Variants in KATNAL2 observed in about 807,000 individuals in gnomAD.
KATNAL2 encodes katanin p60 ATPase-containing subunit A-like 2.
Under a neutral mutation model 76.3 loss-of-function variants are expected in KATNAL2, and 52 were observed. That is an observed-to-expected ratio of 0.68 (90% CI 0.55 to 0.86). KATNAL2 has a LOEUF of 0.86. Among genes scored for constraint, KATNAL2 ranks in the 40% least tolerant of loss-of-function variants. The pLI is 0.00. For synonymous variants in KATNAL2, 243 were observed against 244.2 expected (o/e 1.00, Z 0.05); for missense variants, 660 against 668.9 (o/e 0.99, Z 0.15).
At position 47,035,528 on chromosome 18, in the gene KATNAL2, T is replaced by C. The variant is rs912255275; in HGVS notation, c.52-10929T>C. Reference sequence around the variant, plus strand: ...ACAGCCTGGAGTGACCTCTGCAGTTTGCTGTGCAACAAAGAATGAAGCTCT... The same window carrying C: ...ACAGCCTGGAGTGACCTCTGCAGTTCGCTGTGCAACAAAGAATGAAGCTCT... On this transcript the variant is annotated intron_variant, in intron 3 of 17. Transcript: ENST00000683218. 7 of 695,394 alleles carry C rather than the reference T, an allele frequency of 1.0e-5. No individual in the cohort carries two copies. The African/African-American group carries it at 1.3e-4, about 13-fold the overall frequency. The allele number at this position is 695,394 out of a possible 1,614,324, so 43.1% of individuals were successfully genotyped here.
intron 6 of KATNAL2, among the ~76,000 whole-genome samples, chr18:47,054,863 A>G (rs977790665): frequency 6.6e-6 from 1 of 152,190 alleles, no homozygotes; most frequent in Admixed American, 6.5e-5. Context: ...CCCAGATCAG[A>G]TGTCCTGACC....
chr18:47,058,217 C>G lies in KATNAL2; in HGVS notation c.333-18C>G, dbSNP rs780336809. The G allele has an allele frequency of 2.6e-6, 4 of 1,527,502 alleles. No individual in the cohort carries two copies. The South Asian group carries it at 4.5e-5, about 17-fold the overall frequency. 94.6% of individuals were successfully genotyped at this position (1,527,502 alleles called of 1,614,324 possible). A position where few individuals can be genotyped will look rare whatever the true frequency, so the allele number is the denominator to read the frequency against. Reference sequence around the variant, plus strand: ...TGGCTAGAATAATTTCTTCCAAGGTCTTTGTTCCCTCCCTTAGGATGATGA... The same window carrying G: ...TGGCTAGAATAATTTCTTCCAAGGTGTTTGTTCCCTCCCTTAGGATGATGA... On this transcript the variant is annotated intron_variant, in intron 6 of 17. Transcript: ENST00000683218.
intron 1 of KATNAL2, among the ~76,000 whole-genome samples, chr18:46,935,762 A>G (rs2059070858): frequency 6.6e-6 from 1 of 152,072 alleles, no homozygotes; most frequent in Non-Finnish European, 1.5e-5. Flanking sequence ...CTAAAAATAC[A>G]AAAATTAGCC....
intron 1 of KATNAL2, among the ~76,000 whole-genome samples, chr18:46,918,665 G>A (rs1568958954): frequency 6.6e-6 from 1 of 152,182 alleles, no homozygotes; most frequent in South Asian, 2.1e-4. Context: ...CAGGTGATCC[G>A]CCCGCCTCGG....
In KATNAL2 at chr18:46,946,363, A is replaced by G; in HGVS notation, c.-203A>G. 9.7e-7 allele frequency: 1 copy of G among 1,026,550 alleles called. No homozygotes were observed. The highest frequency in any genetic ancestry group is 1.2e-6 in the Non-Finnish European group (1 of 853,154). The allele number at this position is 1,026,550 out of a possible 1,614,324, so 63.6% of individuals were successfully genotyped here. On this transcript the variant is annotated 5_prime_UTR_variant, in exon 2 of 18. Transcript: ENST00000683218. Reference sequence around the variant, plus strand: ...AAGGCTCTTGACAACCAAAGTGTCCACAGCAGATTCGTCCAGTCTAGATAG... The same window carrying G: ...AAGGCTCTTGACAACCAAAGTGTCCGCAGCAGATTCGTCCAGTCTAGATAG...
At chr18:46,920,830 ACCCTTAAAG>A (rs1368966240) in intron 1 of KATNAL2, among the ~76,000 whole-genome samples, 1 of 152,172 alleles carries the variant, frequency 6.6e-6, no homozygotes, top group Non-Finnish European at 1.5e-5. Context: ...AATGTGGTAT[ACCCTTAAAG>A]GGGAGTGGAG....
chr18:46,955,807 C>T (rs1028727026), intron 3 of KATNAL2, among the ~76,000 whole-genome samples: 5 of 152,204 alleles, frequency 3.3e-5, no homozygotes, highest in Non-Finnish European at 7.3e-5. Context: ...CCCACTTCAG[C>T]CTTCCACAGT....
At chr18:47,034,323 G>T (rs764961596) in intron 3 of KATNAL2, 1 of 1,612,746 alleles carries the variant, frequency 6.2e-7, no homozygotes. Context: ...GCCTCTTCTT[G>T]TTCGAGTGAC....
Position 47,099,394 on chromosome 18 carries a change from G to A in KATNAL2, c.1363G>A (p.Val455Met). ...LELHTELEYS[V>M]LSQETEGYSG... ...GCTGCACACAGAGCTGGAGTACAGT[G>A]TGCTGAGCCAGGTCAGCTGCCCTGG... Residue 455 changes from valine (V) to methionine (M), a missense_variant, in exon 16 of 18, where the codon GTG (valine) becomes ATG (methionine). Coordinates refer to ENST00000683218, the MANE Select transcript of KATNAL2 (RefSeq NM_001387690.1). The A allele has an allele frequency of 6.2e-7, 1 of 1,610,824 alleles. No individual in the cohort carries two copies. The highest frequency in any genetic ancestry group is 8.5e-7 in the Non-Finnish European group (1 of 1,177,914).
At chr18:47,056,466 G>A (rs966597573) in intron 6 of KATNAL2, among the ~76,000 whole-genome samples, 1 of 152,212 alleles carries the variant, frequency 6.6e-6, no homozygotes, top group Admixed American at 6.5e-5. Flanking sequence ...TTGAACAGAT[G>A]GCTGGTGGAG....
chr18:47,086,045 A>T (rs1454797949), intron 15 of KATNAL2, among the ~76,000 whole-genome samples: 1 of 152,094 alleles, frequency 6.6e-6, no homozygotes, highest in Non-Finnish European at 1.5e-5. Context: ...GTGAGCTATG[A>T]TCACACCACT....
chr18:46,927,012 C>T (rs1030097343), intron 1 of KATNAL2, among the ~76,000 whole-genome samples: 4 of 152,240 alleles, frequency 2.6e-5, no homozygotes, highest in African/African-American at 7.2e-5. Flanking sequence ...GAATACAGCA[C>T]GCTGATGGGT....
intron 13 of KATNAL2, among the ~76,000 whole-genome samples, chr18:47,071,542 A>C (rs1457460980): frequency 2.0e-5 from 3 of 152,070 alleles, no homozygotes; most frequent in Non-Finnish European, 4.4e-5. Flanking sequence ...GCTGAATAGC[A>C]ACAAAACTCT....
chr18:47,075,838 G>T (rs1424967137), intron 14 of KATNAL2, among the ~76,000 whole-genome samples: 2 of 152,222 alleles, frequency 1.3e-5, no homozygotes, highest in Non-Finnish European at 2.9e-5. Context: ...CTTCTCTGTG[G>T]CATCAGGTTA....
At chr18:47,084,416 C>A (rs1288633474) in intron 15 of KATNAL2, 1 of 702,768 alleles carries the variant, frequency 1.4e-6, no homozygotes, top group Non-Finnish European at 2.6e-6. Context: ...ACTAGATCAA[C>A]ATTTTTCCAA....
chr18:46,947,717 G>T (rs1431335700), intron 3 of KATNAL2, among the ~76,000 whole-genome samples: 1 of 152,166 alleles, frequency 6.6e-6, no homozygotes, highest in Non-Finnish European at 1.5e-5. Context: ...TGATTACAGT[G>T]TGTAGCCAAG....
chr18:47,083,013 C>A lies in KATNAL2; in HGVS notation c.1211+5552C>A, dbSNP rs144408274. Among the ~76,000 whole-genome samples the A allele has an allele frequency of 4.6e-5, 7 of 152,260 alleles. No individual in the cohort carries two copies. The East Asian group carries it at 1.3e-3, about 29-fold the overall frequency. ...CCCAAAATTCTCACACATAAATATACCATCATTTAGTTAATAATTCCTTCC... is the reference window on the plus strand; with the variant it reads ...CCCAAAATTCTCACACATAAATATAACATCATTTAGTTAATAATTCCTTCC... On this transcript the variant is annotated intron_variant, in intron 15 of 17. Coordinates refer to ENST00000683218, the MANE Select transcript of KATNAL2 (RefSeq NM_001387690.1).
intron 8 of KATNAL2, 88 bp downstream of exon 8, chr18:47,059,742 C>A: frequency 3.0e-6 from 3 of 985,308 alleles, no homozygotes; most frequent in Non-Finnish European, 4.8e-6. Flanking sequence ...TTTTGTCAAA[C>A]AGGAAAGTTA....
At chr18:46,961,276 G>A (rs1018708568) in intron 3 of KATNAL2, among the ~76,000 whole-genome samples, 1 of 151,468 alleles carries the variant, frequency 6.6e-6, no homozygotes, top group African/African-American at 2.4e-5. Flanking sequence ...ACTAGGCAAG[G>A]TGGCAGGGGC....
Sources: allele counts gnomAD v4.1 joint callset (sites outside exome capture counted in the v4.1 genomes callset), GRCh38; gene constraint gnomAD v4.1.1; transcripts MANE v1.5; gene names NCBI Gene and HGNC (gene_info 2026-07-23, HGNC 2026-07-21).